Variants in RORB observed in about 807,000 individuals in gnomAD.
RORB encodes RAR related orphan receptor B.
RORB carries 6 observed loss-of-function variants against 59.1 expected under a neutral mutation model. That is an observed-to-expected ratio of 0.10 (90% CI 0.06 to 0.20). The LOEUF (loss-of-function observed/expected upper bound fraction) is 0.20, where lower values mean the gene tolerates loss of function less well. RORB is among the 10% of genes least tolerant of loss of function. RORB has a pLI of 1.00. For synonymous variants in RORB, 215 were observed against 204.5 expected (o/e 1.05, Z -0.44); for missense variants, 320 against 560.5 (o/e 0.57, Z 4.33).
At chr9:74,557,308 C>G (rs1436856777) in intron 1 of RORB, among the ~76,000 whole-genome samples, 1 of 152,128 alleles carries the variant, frequency 6.6e-6, no homozygotes, top group Admixed American at 6.6e-5. Flanking sequence ...ACTCCTGCCC[C>G]TCCACAGACA....
At chr9:74,619,517 T>A (rs1450745206) in intron 1 of RORB, among the ~76,000 whole-genome samples, 1 of 152,206 alleles carries the variant, frequency 6.6e-6, no homozygotes, top group Non-Finnish European at 1.5e-5. Flanking sequence ...AGTGGCGCGA[T>A]CTTGGCTCAC....
chr9:74,509,228 T>C (rs535208945), intron 1 of RORB, among the ~76,000 whole-genome samples: 51 of 152,158 alleles, frequency 3.4e-4, no homozygotes, highest in African/African-American at 1.2e-3. Context: ...AAAATAAGTA[T>C]TATGGAAAAA....
intron 1 of RORB, among the ~76,000 whole-genome samples, chr9:74,600,929 A>C (rs1215739398): frequency 1.3e-5 from 2 of 152,138 alleles, no homozygotes; most frequent in South Asian, 4.1e-4. Flanking sequence ...AGAGCCAAAA[A>C]TTCATGTTAA....
chr9:74,600,696 A>G (rs973016759), intron 1 of RORB, among the ~76,000 whole-genome samples: 3 of 152,238 alleles, frequency 2.0e-5, no homozygotes, highest in Non-Finnish European at 4.4e-5. Flanking sequence ...TTTAGAGTTA[A>G]CAACATTAAT....
chr9:74,680,683 G>T (rs1824533408), intron 9 of RORB, among the ~76,000 whole-genome samples: 1 of 152,114 alleles, frequency 6.6e-6, no homozygotes, highest in South Asian at 2.1e-4. Context: ...AAGAAAAAAA[G>T]AAAAGGAAAT....
At chr9:74,680,020 T>G (rs1824519690) in intron 9 of RORB, among the ~76,000 whole-genome samples, 2 of 152,062 alleles carry the variant, frequency 1.3e-5, no homozygotes, top group African/African-American at 2.4e-5. Context: ...GGAGAATTGC[T>G]TGAACCCGGG....
chr9:74,678,808 G>T lies in RORB; in HGVS notation c.1225-6655G>T, dbSNP rs376344038. On this transcript the variant is annotated intron_variant, in intron 9 of 9. Transcript: ENST00000376896. ...CCCAGCATTTGGGAGGCCGAGGTGG[G>T]TGGATTACCTAAGGTCAGTTCAAGA... Among the ~76,000 whole-genome samples, 8 of 152,092 alleles carry T rather than the reference G, an allele frequency of 5.3e-5. No homozygotes were observed. The East Asian group carries it at 1.4e-3, about 26-fold the overall frequency.
At chr9:74,634,398 G>GGAAT (rs572204246) in intron 2 of RORB, among the ~76,000 whole-genome samples, 148 of 152,252 alleles carry the variant, frequency 9.7e-4, no homozygotes, top group African/African-American at 3.1e-3. Context: ...ATTGATTCAA[G>GGAAT]GAATGAATGA....
intron 4 of RORB, among the ~76,000 whole-genome samples, chr9:74,657,609 A>T (rs1013748410): frequency 6.6e-6 from 1 of 151,826 alleles, no homozygotes; most frequent in Admixed American, 6.6e-5. Flanking sequence ...TCCTGCCCCT[A>T]CCCCCAGACT....
intron 4 of RORB, among the ~76,000 whole-genome samples, chr9:74,647,158 G>A (rs915864098): frequency 6.6e-6 from 1 of 152,184 alleles, no homozygotes; most frequent in Admixed American, 6.5e-5. Flanking sequence ...TCAAACTGGC[G>A]TGATGGATGT....
chr9:74,643,120 CAG>C (rs1199560297), intron 4 of RORB, among the ~76,000 whole-genome samples: 2 of 152,046 alleles, frequency 1.3e-5, no homozygotes, highest in Admixed American at 1.3e-4. Flanking sequence ...TTGGTATAAA[CAG>C]GGAAATTTCG....
At chr9:74,604,953 C>T (rs1026361161) in intron 1 of RORB, among the ~76,000 whole-genome samples, 8 of 152,146 alleles carry the variant, frequency 5.3e-5, no homozygotes, top group Non-Finnish European at 1.0e-4. Context: ...CTGCTACATT[C>T]GCTAAATTGT....
chr9:74,639,899 T>C (rs181452264), intron 3 of RORB, among the ~76,000 whole-genome samples: 126 of 152,348 alleles, frequency 8.3e-4, no homozygotes, highest in Non-Finnish European at 5.3e-4. Context: ...TAGAAAGATG[T>C]AATATAAAGA....
At chr9:74,503,638 G>T (rs1825831052) in intron 1 of RORB, among the ~76,000 whole-genome samples, 1 of 151,942 alleles carries the variant, frequency 6.6e-6, no homozygotes, top group Non-Finnish European at 1.5e-5. Context: ...GGGAATCAAA[G>T]AATTCAGGAC....
At chr9:74,571,665 G>A (rs1216229115) in intron 1 of RORB, among the ~76,000 whole-genome samples, 2 of 151,942 alleles carry the variant, frequency 1.3e-5, no homozygotes, top group South Asian at 2.1e-4. Flanking sequence ...AACTAATTTT[G>A]TTTTAAACTT....
chr9:74,639,055 A>T (rs1188313466), intron 3 of RORB, among the ~76,000 whole-genome samples: 2 of 152,196 alleles, frequency 1.3e-5, no homozygotes, highest in Non-Finnish European at 2.9e-5. Context: ...CTCTTTTGAC[A>T]TTGTTAGCTT....
chr9:74,630,163 C>T (rs1823591949), intron 1 of RORB, 119 bp from the exon 2 acceptor site: 1 of 1,364,036 alleles, frequency 7.3e-7, no homozygotes, highest in Non-Finnish European at 9.8e-7. Flanking sequence ...CACCACCGCT[C>T]ACACCCCAGT....
At chr9:74,560,501 G>T (rs1370759259) in intron 1 of RORB, among the ~76,000 whole-genome samples, 1 of 151,454 alleles carries the variant, frequency 6.6e-6, no homozygotes. Flanking sequence ...CATGAGCAGG[G>T]TTGCTTTTTC....
chr9:74,680,308 T>C (rs970335403), intron 9 of RORB, among the ~76,000 whole-genome samples: 2 of 152,216 alleles, frequency 1.3e-5, no homozygotes, highest in African/African-American at 2.4e-5. Context: ...TACACACTTA[T>C]GTCCCTGTAG....
Sources: allele counts gnomAD v4.1 joint callset (sites outside exome capture counted in the v4.1 genomes callset), GRCh38; gene constraint gnomAD v4.1.1; transcripts MANE v1.5; gene names NCBI Gene and HGNC (gene_info 2026-07-23, HGNC 2026-07-21).